FBXO34: variants seen among roughly 807,000 people sequenced by gnomAD.
FBXO34 encodes F-box only protein 34.
Under a neutral mutation model 24.5 loss-of-function variants are expected in FBXO34, and 12 were observed. The observed-to-expected ratio is 0.49, with a 90% CI of 0.31 to 0.79. The LOEUF is 0.79. Among genes scored for constraint, FBXO34 ranks in the 30% least tolerant of loss-of-function variants. The probability of loss-of-function intolerance (pLI) is 0.04; values close to 1 mark genes in which losing one functional copy is unlikely to be tolerated. For synonymous variants in FBXO34, 320 were observed against 311.9 expected (o/e 1.03, Z -0.27); for missense variants, 823 against 857.7 (o/e 0.96, Z 0.51).
the FBXO34 span, among the ~76,000 whole-genome samples, chr14:55,403,325 G>A: frequency 1.3e-5 from 2 of 151,956 alleles, no homozygotes; most frequent in Non-Finnish European, 2.9e-5. Context: ...CTCAACTATA[G>A]AATCAGACCA....
At chr14:55,304,077 C>T (rs951752243) in intron 1 of FBXO34, among the ~76,000 whole-genome samples, 9 of 152,112 alleles carry the variant, frequency 5.9e-5, no homozygotes, top group Non-Finnish European at 8.8e-5. Context: ...GACATGTGTG[C>T]GGTTAAAGTG....
rs138667502 is a variant in FBXO34 at position 55,352,555 on chromosome 14, G to A, written c.*29G>A. 1.2e-5 allele frequency: 18 copies of A among 1,547,454 alleles called. No homozygotes were observed. The highest frequency in any genetic ancestry group is 2.5e-5 in the South Asian group (2 of 79,840). On this transcript the variant is annotated 3_prime_UTR_variant, in exon 2 of 2. Transcript: ENST00000313833. ...CCATGTGAGAGGCAACAAAAGGACC[G>A]GTTTCTAAAGCTGCAAAACACCTAG...
the FBXO34 span, among the ~76,000 whole-genome samples, chr14:55,376,720 G>C: frequency 2.0e-5 from 3 of 152,156 alleles, no homozygotes; most frequent in African/African-American, 7.2e-5. Context: ...AAACCCAAAA[G>C]AACTTTCCCG....
downstream of FBXO34, among the ~76,000 whole-genome samples, chr14:55,357,351 T>C (rs1884536780): frequency 6.6e-6 from 1 of 152,234 alleles, no homozygotes. Context: ...GATGTTCCTC[T>C]ATCTGCAAAG....
intron 1 of FBXO34, chr14:55,298,931 C>G (rs1448015360): frequency 6.3e-7 from 1 of 1,578,246 alleles, no homozygotes; most frequent in African/African-American, 1.3e-5. Flanking sequence ...TGCTCAAGAA[C>G]ATGGGCTCTG....
At chr14:55,405,233 C>T in the FBXO34 span, among the ~76,000 whole-genome samples, 1 of 152,136 alleles carries the variant, frequency 6.6e-6, no homozygotes, top group Non-Finnish European at 1.5e-5. Flanking sequence ...GGCTGACAAA[C>T]AAAAATATAC....
At chr14:55,429,766 CAAAAAAAAAAAA>C in the FBXO34 span, among the ~76,000 whole-genome samples, 10 of 52,380 alleles carry the variant, frequency 1.9e-4, no homozygotes, top group South Asian at 7.9e-4. Context: ...AACTCCGTCT[CAAAAAAAAAAAA>C]AAAAAAAAAA....
chr14:55,422,544 C>T, the FBXO34 span, among the ~76,000 whole-genome samples: 38 of 152,106 alleles, frequency 2.5e-4, no homozygotes, highest in Non-Finnish European at 5.0e-4. Flanking sequence ...CCACCGCGCC[C>T]GGTCATAAAA....
At chr14:55,402,926 A>AAAT in the FBXO34 span, among the ~76,000 whole-genome samples, 1 of 16,402 alleles carries the variant, frequency 6.1e-5, no homozygotes, top group Non-Finnish European at 1.1e-4. Context: ...AAAAAAAAAA[A>AAAT]ATATATATAT....
intron 1 of FBXO34, among the ~76,000 whole-genome samples, chr14:55,331,687 GTATATA>G (rs199998638): frequency 2.1e-4 from 6 of 28,888 alleles, no homozygotes; most frequent in African/African-American, 1.9e-3. Context: ...ATATATATGT[GTATATA>G]TATATATATA....
the FBXO34 span, among the ~76,000 whole-genome samples, chr14:55,416,184 C>T: frequency 6.6e-6 from 1 of 152,168 alleles, no homozygotes; most frequent in Non-Finnish European, 1.5e-5. Flanking sequence ...ATTCACAATA[C>T]ACAACCAGCT....
rs1420435822 is a variant in FBXO34 at position 55,351,638 on chromosome 14, TTCCTC to T, written c.1251_1255del (p.Ser418TyrfsTer7). ...CAGATGAACTCGTTGGGTTACCTTTTTCCTCTCATACCTATTCCCAAGCCTCTGAA... is the reference window on the plus strand; with the variant it reads ...CAGATGAACTCGTTGGGTTACCTTTTTCATACCTATTCCCAAGCCTCTGAA... On this transcript the variant is annotated frameshift_variant, in exon 2 of 2. Coordinates refer to ENST00000313833, the MANE Select transcript of FBXO34 (RefSeq NM_017943.4). LOFTEE classifies it high-confidence loss of function. The T allele has an allele frequency of 6.2e-7, 1 of 1,614,220 alleles. No homozygotes were observed. Among genetic ancestry groups the T allele is most frequent in the South Asian group, 1.1e-5 (1 of 91,086 alleles).
chr14:55,368,708 C>T (rs997838589), downstream of FBXO34: 13 of 152,176 alleles, frequency 8.5e-5, no homozygotes, highest in African/African-American at 2.4e-4. Flanking sequence ...AAGTGGACAC[C>T]ACAAGAATGA....
At chr14:55,286,409 A>T (rs755830192) in intron 1 of FBXO34, among the ~76,000 whole-genome samples, 1 of 151,022 alleles carries the variant, frequency 6.6e-6, no homozygotes, top group Non-Finnish European at 1.5e-5. Context: ...TGGTGTAGAT[A>T]TCTTGAAATA....
Position 55,351,180 on chromosome 14 carries a change from A to G in FBXO34, c.790A>G (p.Arg264Gly), listed in dbSNP as rs367747919. The change falls in exon 2 of 2, where the codon AGG becomes GGG. Residue 264 changes from arginine (R) to glycine (G), a missense_variant. Transcript: ENST00000313833. ...AGGAGCTTGTGAAGAACCCACAGAA[A>G]GGGGAAATCTTGAGGTTGGTGAACC... Reference protein sequence around the residue: ...APGACEEPTERGNLEVGEPQS... With the variant: ...APGACEEPTEGGNLEVGEPQS... 6.2e-7 allele frequency: 1 copy of G among 1,614,200 alleles called. No individual in the cohort carries two copies. Among genetic ancestry groups the G allele is most frequent in the Non-Finnish European group, 8.5e-7 (1 of 1,180,034 alleles).
At chr14:55,425,267 C>T in the FBXO34 span, among the ~76,000 whole-genome samples, 2 of 152,168 alleles carry the variant, frequency 1.3e-5, no homozygotes, top group Admixed American at 1.3e-4. Flanking sequence ...CTTTCTCCCA[C>T]TAACCACTTC....
At chr14:55,315,843 C>T (rs1219490515) in intron 1 of FBXO34, among the ~76,000 whole-genome samples, 1 of 152,160 alleles carries the variant, frequency 6.6e-6, no homozygotes, top group Admixed American at 6.5e-5. Flanking sequence ...CTTGAGGAAT[C>T]CTTTCCATCA....
chr14:55,418,424 C>T, the FBXO34 span, among the ~76,000 whole-genome samples: 3 of 152,180 alleles, frequency 2.0e-5, no homozygotes, highest in Admixed American at 6.5e-5. Context: ...CATATTTTCC[C>T]GAGTGATGCC....
the FBXO34 span, among the ~76,000 whole-genome samples, chr14:55,421,060 C>CAAAAAAAAAAA: frequency 9.3e-6 from 1 of 107,584 alleles, no homozygotes; most frequent in Non-Finnish European, 1.8e-5. Context: ...GAATCTGTCT[C>CAAAAAAAAAAA]AAAAAAAAAA....
Sources: gnomAD v4.1 joint callset for allele counts (sites outside exome capture counted in the v4.1 genomes callset) on GRCh38, gnomAD v4.1.1 for gene constraint, MANE v1.5 for transcripts, NCBI Gene and HGNC (gene_info 2026-07-23, HGNC 2026-07-21) for gene names.